The following FNDC3B variants were observed in gnomAD, a reference collection of about 807,000 sequenced individuals.
The protein encoded by FNDC3B is fibronectin type III domain containing 3B, also known as fibronectin type III domain-containing protein 3B.
In FNDC3B, 12 loss-of-function variants were observed where a neutral mutation model predicts 151.5. That is an observed-to-expected ratio of 0.08 (90% CI 0.05 to 0.13). The LOEUF (loss-of-function observed/expected upper bound fraction) is 0.13. Ranked by LOEUF, FNDC3B falls within the 10% of genes least tolerant of loss-of-function variation. The probability of loss-of-function intolerance (pLI) is 1.00; values close to 1 mark genes in which losing one functional copy is unlikely to be tolerated. For synonymous variants in FNDC3B, 528 were observed against 549.0 expected, an observed-to-expected ratio of 0.96 and a Z score of 0.54; for missense variants, 1,214 against 1,505.3, an observed-to-expected ratio of 0.81 and a Z score of 3.20.
chr3:172,181,830 A>C (rs1224667000), intron 3 of FNDC3B, among the ~76,000 whole-genome samples: 1 of 110,270 alleles, frequency 9.1e-6, no homozygotes, highest in Non-Finnish European at 2.1e-5. Flanking sequence ...TCCATCTCAA[A>C]AAAAAAAAAA....
At chr3:172,307,532 C>G in intron 10 of FNDC3B, 31 bp downstream of exon 10, 1 of 1,612,766 alleles carries the variant, frequency 6.2e-7, no homozygotes, top group Non-Finnish European at 8.5e-7. Flanking sequence ...AGAATCGTCT[C>G]AATTTAAAAA....
chr3:172,043,328 T>TA (rs1242017268), intron 1 of FNDC3B, among the ~76,000 whole-genome samples: 2 of 152,186 alleles, frequency 1.3e-5, no homozygotes, highest in South Asian at 4.2e-4. Flanking sequence ...CTTTCACATG[T>TA]AGCTTGGTCA....
At chr3:172,195,966 A>G (rs531932066) in intron 3 of FNDC3B, among the ~76,000 whole-genome samples, 1 of 152,244 alleles carries the variant, frequency 6.6e-6, no homozygotes, top group Non-Finnish European at 1.5e-5. Flanking sequence ...ATGAGATTAT[A>G]TGAAATGCTT....
intron 6 of FNDC3B, among the ~76,000 whole-genome samples, chr3:172,262,216 A>G (rs1341929901): frequency 6.6e-6 from 1 of 152,222 alleles, no homozygotes; most frequent in East Asian, 1.9e-4. Flanking sequence ...CCATTATTGT[A>G]TATTCTATTC....
chr3:172,386,833 A>G (rs1410805665), intron 25 of FNDC3B, among the ~76,000 whole-genome samples: 6 of 151,530 alleles, frequency 4.0e-5, no homozygotes, highest in African/African-American at 1.5e-4. Context: ...GTATTTCTGT[A>G]TCAATATATT....
rs976584182 is a variant in FNDC3B, at chr3:172,199,273, G to A, written c.188-27598G>A. 7.3e-5 allele frequency among the ~76,000 whole-genome samples: 11 copies of A among 151,270 alleles called. No individual in the cohort carries two copies. In the South Asian group the frequency reaches 1.7e-3, roughly 23 times the overall value. On this transcript the variant is annotated intron_variant, in intron 3 of 25. Coordinates refer to ENST00000415807, the MANE Select transcript of FNDC3B (RefSeq NM_022763.4). Reference sequence around the variant, plus strand: ...CGGCTCTCTGCAGGCTCCGCCTCCCGGGTTCACGCCATTCTCCTGCCTCAG... The same window carrying A: ...CGGCTCTCTGCAGGCTCCGCCTCCCAGGTTCACGCCATTCTCCTGCCTCAG...
At chr3:172,288,518 G>C (rs1191484673) in intron 7 of FNDC3B, among the ~76,000 whole-genome samples, 1 of 152,258 alleles carries the variant, frequency 6.6e-6, no homozygotes, top group Non-Finnish European at 1.5e-5. Flanking sequence ...CAGTATAGCT[G>C]AAGAGTTTCC....
At chr3:172,253,691 A>G (rs1728192223) in intron 6 of FNDC3B, among the ~76,000 whole-genome samples, 1 of 152,142 alleles carries the variant, frequency 6.6e-6, no homozygotes, top group Non-Finnish European at 1.5e-5. Context: ...TAACCATAAC[A>G]TGTGACTTGT....
chr3:172,395,241 T>C (rs1441741856), intron 25 of FNDC3B, among the ~76,000 whole-genome samples: 2 of 152,246 alleles, frequency 1.3e-5, no homozygotes, highest in Admixed American at 6.5e-5. Context: ...TCTGCTATTT[T>C]TTTCTTTGTC....
At chr3:172,123,230 AG>A (rs1720642167) in intron 2 of FNDC3B, among the ~76,000 whole-genome samples, 1 of 152,078 alleles carries the variant, frequency 6.6e-6, no homozygotes, top group African/African-American at 2.4e-5. Flanking sequence ...TTGTAGAGAT[AG>A]TCCCCTTATG....
chr3:172,364,849 A>G lies in FNDC3B; in HGVS notation c.3008+2004A>G, dbSNP rs77751132. On this transcript the variant is annotated intron_variant, in intron 23 of 25. Transcript: ENST00000415807. ...AATTTAAGAAAACTTCGCATTAGGA[A>G]CAGTATTTTTCTTAATTACAGGAGC... Among the ~76,000 whole-genome samples the G allele has an allele frequency of 7.8e-3, 1,185 of 152,358 alleles. 17 individuals are homozygous for G. Among genetic ancestry groups the G allele is most frequent in the African/African-American group, 0.027 (1,124 of 41,588 alleles).
chr3:172,386,245 A>AGCATAGACAGTTTCAT (rs1735699148), intron 25 of FNDC3B, among the ~76,000 whole-genome samples: 1 of 152,010 alleles, frequency 6.6e-6, no homozygotes, highest in Non-Finnish European at 1.5e-5. Context: ...TACAAGATAT[A>AGCATAGACAGTTTCAT]GCATAGACAG....
chr3:172,057,162 C>G (rs1187287334), intron 1 of FNDC3B, among the ~76,000 whole-genome samples: 1 of 152,180 alleles, frequency 6.6e-6, no homozygotes, highest in Non-Finnish European at 1.5e-5. Context: ...CATTCCTTCT[C>G]TCTTTTTGTG....
chr3:172,334,983 G>A lies in FNDC3B; in HGVS notation c.1681G>A (p.Glu561Lys), dbSNP rs200984205. 5 of 1,613,796 alleles carry A rather than the reference G, an allele frequency of 3.1e-6. No homozygotes were observed. Among genetic ancestry groups the A allele is most frequent in the East Asian group, 2.2e-5 (1 of 44,870 alleles). The change falls in exon 15 of 26, where the codon GAA becomes AAA. Residue 561 changes from glutamate (E) to lysine (K), a missense_variant. By Grantham distance (56) the Glu-to-Lys change is moderately conservative. Coordinates refer to ENST00000415807, the MANE Select transcript of FNDC3B (RefSeq NM_022763.4). The stretch of plus-strand genomic sequence containing the variant: ...TACGGAAGGAAAAAGCTGTCCAAGC[G>A]AAGTTCTTGTTTGTACGACGAGTCC... ...SNTEGKSCPS[E>K]VLVCTTSPDR...
Position 172,213,959 on chromosome 3 carries a change from T to C in FNDC3B, c.188-12912T>C, listed in dbSNP as rs552277893. On this transcript the variant is annotated intron_variant, in intron 3 of 25. Coordinates refer to ENST00000415807, the MANE Select transcript of FNDC3B (RefSeq NM_022763.4). ...AAATTGTAGCTTGTTTAGTAAAAATTGCTTGTTTCTGTGGAGGCAATGTGC... is the reference window on the plus strand; with the variant it reads ...AAATTGTAGCTTGTTTAGTAAAAATCGCTTGTTTCTGTGGAGGCAATGTGC... 3.3e-5 allele frequency among the ~76,000 whole-genome samples: 5 copies of C among 152,304 alleles called. No individual in the cohort carries two copies. The East Asian group carries it at 7.7e-4, about 23-fold the overall frequency.
At chr3:172,053,192 T>C (rs1307009487) in intron 1 of FNDC3B, among the ~76,000 whole-genome samples, 1 of 152,236 alleles carries the variant, frequency 6.6e-6, no homozygotes, top group Admixed American at 6.5e-5. Context: ...GTGTTTCTAG[T>C]GTCCACCGCA....
intron 1 of FNDC3B, among the ~76,000 whole-genome samples, chr3:172,071,020 G>A (rs984685048): frequency 1.3e-5 from 2 of 152,010 alleles, no homozygotes; most frequent in African/African-American, 2.4e-5. Context: ...CAAGGTTACT[G>A]GTTTTGGCTG....
intron 22 of FNDC3B, among the ~76,000 whole-genome samples, chr3:172,355,332 G>C (rs1172971938): frequency 6.6e-6 from 1 of 152,128 alleles, no homozygotes; most frequent in Non-Finnish European, 1.5e-5. Flanking sequence ...CCACTCACCA[G>C]GCAGTCCATT....
intron 1 of FNDC3B, among the ~76,000 whole-genome samples, chr3:172,105,731 G>GCATTTTATT (rs1195408339): frequency 1.3e-5 from 2 of 152,138 alleles, no homozygotes; most frequent in African/African-American, 4.8e-5. Context: ...GGGATTACAG[G>GCATTTTATT]CATTTTATTA....
Sources: gnomAD v4.1 joint callset for allele counts (sites outside exome capture counted in the v4.1 genomes callset) on GRCh38, gnomAD v4.1.1 for gene constraint, MANE v1.5 for transcripts, NCBI Gene and HGNC (gene_info 2026-07-23, HGNC 2026-07-21) for gene names.